The following BASP1 variants were observed in gnomAD, a reference collection of about 807,000 sequenced individuals.
BASP1 encodes the protein brain abundant membrane attached signal protein 1.
A neutral mutation model predicts 2.2 loss-of-function variants in BASP1; 1 was observed. The observed-to-expected ratio is 0.46, with a 90% confidence interval of 0.16 to 2.17. The LOEUF (loss-of-function observed/expected upper bound fraction) is 2.17. Among genes scored for constraint, BASP1 ranks in the 30% most tolerant of loss-of-function variants. BASP1 has a pLI of 0.27. For synonymous variants in BASP1, 187 were observed against 154.2 expected, an observed-to-expected ratio of 1.21 and a Z score of -1.58; for missense variants, 352 against 327.2, an observed-to-expected ratio of 1.08 and a Z score of -0.58.
chr5:17,250,825 C>G (rs982174028), intron 1 of BASP1, among the ~76,000 whole-genome samples: 13 of 152,126 alleles, frequency 8.5e-5, no homozygotes, highest in Admixed American at 7.2e-4. Context: ...AGGATGGTCT[C>G]GATCTACTGA....
chr5:17,269,306 T>C (rs1290351967), intron 1 of BASP1, among the ~76,000 whole-genome samples: 1 of 152,208 alleles, frequency 6.6e-6, no homozygotes, highest in African/African-American at 2.4e-5. Flanking sequence ...GAGTGTGTAG[T>C]CTAAGCTAAC....
chr5:17,245,197 G>A (rs1739952071), intron 1 of BASP1, among the ~76,000 whole-genome samples: 1 of 151,130 alleles, frequency 6.6e-6, no homozygotes, highest in African/African-American at 2.4e-5. Context: ...AGCTACTCAG[G>A]AGGCTGAGGC....
At chr5:17,233,622 C>A (rs987332927) in intron 1 of BASP1, among the ~76,000 whole-genome samples, 2 of 152,168 alleles carry the variant, frequency 1.3e-5, no homozygotes, top group African/African-American at 4.8e-5. Context: ...TGTTTGGAAG[C>A]CTTGGCTCAT....
chr5:17,229,741 T>C (rs1266099166), intron 1 of BASP1, among the ~76,000 whole-genome samples: 5 of 151,628 alleles, frequency 3.3e-5, no homozygotes, highest in African/African-American at 4.8e-5. Flanking sequence ...TTTTCATAGT[T>C]CTGCAGGCTG....
chr5:17,218,377 C>G (rs1419674770), intron 1 of BASP1, among the ~76,000 whole-genome samples: 1 of 152,098 alleles, frequency 6.6e-6, no homozygotes, highest in Non-Finnish European at 1.5e-5. Flanking sequence ...CGGGTTTTCT[C>G]GACCCATGGG....
Position 17,275,278 on chromosome 5 carries a change from A to G in BASP1, c.62A>G (p.Glu21Gly), listed in dbSNP as rs1561179536. 6.2e-7 allele frequency: 1 copy of G among 1,614,028 alleles called. No individual in the cohort carries two copies. The highest frequency in any genetic ancestry group is 1.3e-5 in the African/African-American group (1 of 75,034). The change falls in exon 2 of 2, where the codon GAG becomes GGG. Residue 21 changes from glutamate (E) to glycine (G), a missense_variant. Physicochemically the swap from Glu to Gly is moderately conservative, Grantham distance 98. Transcript: ENST00000322611. The surrounding 1 kb of genome is among the most constrained non-coding windows in gnomAD (Gnocchi z 5.3). ...GYNVNDEKAK[E>G]KDKKAEGAAT... ...AATGTGAACGACGAGAAAGCCAAGG[A>G]GAAAGACAAGAAGGCCGAGGGCGCG...
At chr5:17,256,331 G>C (rs1384217554) in intron 1 of BASP1, among the ~76,000 whole-genome samples, 3 of 152,186 alleles carry the variant, frequency 2.0e-5, no homozygotes, top group African/African-American at 7.2e-5. Flanking sequence ...CATCGGCTCT[G>C]CTACCTTTGA....
chr5:17,243,498 CTA>C (rs892498331), intron 1 of BASP1, among the ~76,000 whole-genome samples: 4 of 152,166 alleles, frequency 2.6e-5, no homozygotes, highest in African/African-American at 4.8e-5. Flanking sequence ...TAACTTGACA[CTA>C]TTGATGTCTG....
rs1287743505 is a variant in BASP1, at chr5:17,260,767, G to A, written c.-9-14441G>A. 6.6e-6 allele frequency among the ~76,000 whole-genome samples: 1 copy of A among 152,186 alleles called. No individual in the cohort carries two copies. Among genetic ancestry groups the A allele is most frequent in the African/African-American group, 2.4e-5 (1 of 41,452 alleles). On this transcript the variant is annotated intron_variant, in intron 1 of 1. Coordinates refer to ENST00000322611, the MANE Select transcript of BASP1 (RefSeq NM_006317.5). This position sits in a 1 kb window ranked among gnomAD's most constrained non-coding sequence, Gnocchi z 4.2. ...CACAAAGCAAAATCTTTGTTCTGAA[G>A]CCTCAGATTGATGTTGAATAAATAT... is the stretch of plus-strand genomic sequence containing the variant.
intron 1 of BASP1, among the ~76,000 whole-genome samples, chr5:17,242,045 C>T (rs1401393222): frequency 2.0e-5 from 3 of 152,172 alleles, no homozygotes; most frequent in Admixed American, 6.5e-5. Context: ...CTCTCATTCA[C>T]GTCTATTCTG....
At chr5:17,239,492 C>T (rs1739816548) in intron 1 of BASP1, among the ~76,000 whole-genome samples, 1 of 152,104 alleles carries the variant, frequency 6.6e-6, no homozygotes, top group South Asian at 2.1e-4. Context: ...CTAAATAAAA[C>T]AGATCAGTGT....
chr5:17,269,294 C>A (rs528357869), intron 1 of BASP1, among the ~76,000 whole-genome samples: 1 of 152,344 alleles, frequency 6.6e-6, no homozygotes, highest in East Asian at 1.9e-4. Context: ...TGTGTCAGGA[C>A]TGAGTGTGTA....
intron 1 of BASP1, among the ~76,000 whole-genome samples, chr5:17,261,822 T>C (rs1324659612): frequency 1.3e-5 from 2 of 152,204 alleles, no homozygotes; most frequent in African/African-American, 4.8e-5. Context: ...CTTGCCAAAA[T>C]TGCACGTTTC....
chr5:17,275,987 C>CCTCT lies in BASP1; in HGVS notation c.*97_*100dup. The CCTCT allele has an allele frequency of 8.7e-7, 1 of 1,154,874 alleles. No individual in the cohort carries two copies. The highest frequency in any genetic ancestry group is 1.9e-5 in the South Asian group (1 of 53,470). 71.5% of individuals were successfully genotyped at this position (1,154,874 alleles called of 1,614,324 possible). On this transcript the variant is annotated 3_prime_UTR_variant, in exon 2 of 2. Transcript: ENST00000322611. This position sits in a 1 kb window ranked among gnomAD's most constrained non-coding sequence, Gnocchi z 5.3. Reference sequence around the variant, plus strand: ...TCTCTCTCTATCTCTCTCTCTATCTCCTCTCTCTCTCTCCTCTCCTATCTC... The same window carrying CCTCT: ...TCTCTCTCTATCTCTCTCTCTATCTCCTCTCTCTCTCTCTCTCCTCTCCTATCTC...
intron 1 of BASP1, among the ~76,000 whole-genome samples, chr5:17,234,379 A>C (rs978139657): frequency 1.3e-5 from 2 of 152,162 alleles, no homozygotes; most frequent in African/African-American, 4.8e-5. Flanking sequence ...TGAAGCCGTA[A>C]GTAAAAAAAA....
intron 1 of BASP1, among the ~76,000 whole-genome samples, chr5:17,249,073 C>A (rs1051129400): frequency 6.6e-6 from 1 of 152,170 alleles, no homozygotes; most frequent in Non-Finnish European, 1.5e-5. Flanking sequence ...TAGAGGTCTT[C>A]TTTTTTGTAT....
intron 1 of BASP1, among the ~76,000 whole-genome samples, chr5:17,237,611 CCT>C (rs1466825985): frequency 7.2e-6 from 1 of 139,294 alleles, no homozygotes. Flanking sequence ...GTGAGTGTCC[CCT>C]GACATTGCTT....
intron 1 of BASP1, among the ~76,000 whole-genome samples, chr5:17,267,622 G>A (rs1039105531): frequency 4.6e-5 from 7 of 151,482 alleles, no homozygotes; most frequent in Non-Finnish European, 8.8e-5. Context: ...GGGTTCAAGC[G>A]ATTTTCCTGC....
In BASP1 at chr5:17,256,516, C is replaced by G. The variant is rs554434123; in HGVS notation, c.-9-18692C>G. Reference sequence around the variant, plus strand: ...ATCTAGTTGTGTGTATACATTATTACTGCACGTTTGTGCAAAAACTAAAAA... The same window carrying G: ...ATCTAGTTGTGTGTATACATTATTAGTGCACGTTTGTGCAAAAACTAAAAA... On this transcript the variant is annotated intron_variant, in intron 1 of 1. Transcript: ENST00000322611. Among the ~76,000 whole-genome samples the G allele has an allele frequency of 2.6e-5, 4 of 152,266 alleles. No homozygotes were observed. In the South Asian group the frequency reaches 8.3e-4, roughly 32 times the overall value.
Sources: allele counts gnomAD v4.1 joint callset (sites outside exome capture counted in the v4.1 genomes callset), GRCh38; gene constraint gnomAD v4.1.1; non-coding constraint Gnocchi (gnomAD v3.1); transcripts MANE v1.5; gene names NCBI Gene and HGNC (gene_info 2026-07-23, HGNC 2026-07-21).